The following GTF2IRD1 variants were observed in gnomAD, a reference collection of about 807,000 sequenced individuals.
GTF2IRD1 encodes the protein GTF2I repeat domain containing 1.
Under a neutral mutation model 113.2 loss-of-function variants are expected in GTF2IRD1, and 26 were observed. That is an observed-to-expected ratio of 0.23 (90% CI 0.17 to 0.32). GTF2IRD1 has a LOEUF of 0.32. Among genes scored for constraint, GTF2IRD1 ranks in the 10% least tolerant of loss-of-function variants. GTF2IRD1 has a pLI of 1.00. For missense variants in GTF2IRD1, 864 were observed against 1,280.8 expected, an observed-to-expected ratio of 0.67 and a Z score of 4.97; for synonymous variants, 484 against 529.1, an observed-to-expected ratio of 0.91 and a Z score of 1.17.
chr7:74,541,175 C>T (rs1371246074), intron 14 of GTF2IRD1, among the ~76,000 whole-genome samples: 3 of 151,600 alleles, frequency 2.0e-5, no homozygotes, highest in African/African-American at 2.4e-5. Context: ...CATCCTCGTG[C>T]GGAGAGATAA....
rs587662763 is a variant in GTF2IRD1, at chr7:74,550,090, CAA to C, written c.1916+2805_1916+2806del. On this transcript the variant is annotated intron_variant, in intron 17 of 26. Coordinates refer to ENST00000424337, the MANE Select transcript of GTF2IRD1 (RefSeq NM_005685.4). ...GCATGCACCTGTAATCCCAGCTACT[CAA>C]GAGGCAAAGAGGAGAATCACTTGAA... Among the ~76,000 whole-genome samples, 903 of 151,020 alleles carry C rather than the reference CAA, an allele frequency of 6.0e-3. 5 individuals carry two copies. The highest frequency in any genetic ancestry group is 9.4e-3 in the Non-Finnish European group (634 of 67,708).
In GTF2IRD1 at chr7:74,555,592, C is replaced by T; in HGVS notation, c.2023+98C>T. On this transcript the variant is annotated intron_variant, in intron 19 of 26. Transcript: ENST00000424337. The surrounding 1 kb of genome is among the most constrained non-coding windows in gnomAD (Gnocchi z 5.3). ...AGGCTGGAAGTGGGGAGGAGCTGGC[C>T]CCCAACTTCAGGGCCTAAGGGACCA... The T allele has an allele frequency of 5.1e-6, 4 of 786,114 alleles. No individual in the cohort carries two copies. Among genetic ancestry groups the T allele is most frequent in the South Asian group, 3.1e-5 (2 of 65,338 alleles). The allele number at this position is 786,114 out of a possible 1,614,324, so 48.7% of individuals were successfully genotyped here. A position where few individuals can be genotyped will look rare whatever the true frequency, so the allele number is the denominator to read the frequency against.
In GTF2IRD1 at chr7:74,505,712, G is replaced by A. The variant is rs138555101; in HGVS notation, c.-6-2363G>A. 1.3e-3 allele frequency among the ~76,000 whole-genome samples: 200 copies of A among 152,322 alleles called. No homozygotes were observed. The East Asian group carries it at 0.022, about 17-fold the overall frequency. The stretch of plus-strand genomic sequence containing the variant: ...TGGGAATGGTTCAAGGGACGGGCTT[G>A]CAGGGGATGGCTTGGGGGAGGGGGA... On this transcript the variant is annotated intron_variant, in intron 1 of 26. Transcript: ENST00000424337.
chr7:74,461,502 G>A (rs150276228), intron 1 of GTF2IRD1, among the ~76,000 whole-genome samples: 205 of 152,248 alleles, frequency 1.3e-3, no homozygotes, highest in Non-Finnish European at 2.2e-3. Flanking sequence ...TTGCAGAGGC[G>A]TCAGGCCTGA....
chr7:74,503,348 A>C (rs1584538762), intron 1 of GTF2IRD1, among the ~76,000 whole-genome samples: 1 of 152,264 alleles, frequency 6.6e-6, no homozygotes, highest in South Asian at 2.1e-4. Flanking sequence ...CAGATGTGAC[A>C]GTCGCTCTTC....
intron 19 of GTF2IRD1, among the ~76,000 whole-genome samples, chr7:74,557,197 G>T (rs587690545): frequency 6.6e-6 from 1 of 152,142 alleles, no homozygotes; most frequent in Admixed American, 6.5e-5. Context: ...ATTGGGAGCC[G>T]CCAGGCCCAT....
intron 17 of GTF2IRD1, among the ~76,000 whole-genome samples, chr7:74,548,486 G>A (rs1799096495): frequency 6.6e-6 from 1 of 152,054 alleles, no homozygotes; most frequent in Admixed American, 6.6e-5. Flanking sequence ...GTGGTTGGGG[G>A]ATTTCAGGAA....
At chr7:74,597,056 T>C (rs1802461121) in intron 25 of GTF2IRD1, among the ~76,000 whole-genome samples, 1 of 151,956 alleles carries the variant, frequency 6.6e-6, no homozygotes. Context: ...CTTTTTTTTT[T>C]TTCCGAGACA....
chr7:74,539,169 G>A (rs1225205449), intron 13 of GTF2IRD1, among the ~76,000 whole-genome samples: 1 of 152,182 alleles, frequency 6.6e-6, no homozygotes, highest in Admixed American at 6.5e-5. Flanking sequence ...GAGGGTGCTG[G>A]GCACAGTGGC....
intron 25 of GTF2IRD1, 97 bp from the exon 26 acceptor site, chr7:74,600,947 C>T (rs1802723457): frequency 2.2e-6 from 3 of 1,369,604 alleles, no homozygotes; most frequent in East Asian, 2.3e-5. Flanking sequence ...AAGGGGGACT[C>T]GAAACCTTAA....
chr7:74,455,263 G>A (rs1792892067), intron 1 of GTF2IRD1, among the ~76,000 whole-genome samples: 1 of 152,246 alleles, frequency 6.6e-6, no homozygotes, highest in Admixed American at 6.5e-5. Flanking sequence ...GGATGGCCCT[G>A]GGCCTGGCGG....
chr7:74,507,573 C>T (rs1280154893), intron 1 of GTF2IRD1: 2 of 154,156 alleles, frequency 1.3e-5, no homozygotes, highest in African/African-American at 2.4e-5. Context: ...TGAACCTGCA[C>T]AGACTAGGGA....
chr7:74,476,054 T>A lies in GTF2IRD1; in HGVS notation c.-7+21878T>A, dbSNP rs182750155. Among the ~76,000 whole-genome samples, 247 of 152,296 alleles carry A rather than the reference T, an allele frequency of 1.6e-3. 1 individual carries two copies. The highest frequency in any genetic ancestry group is 5.5e-3 in the African/African-American group (227 of 41,578). ...GTACCCGATAACGGATAGACACCTG[T>A]ACAAAACAGCCTCTTCTCCAATGCC... On this transcript the variant is annotated intron_variant, in intron 1 of 26. Transcript: ENST00000424337.
rs879972860 is a variant in GTF2IRD1 at position 74,602,591 on chromosome 7, G to A, written c.*158G>A. 2.9e-3 allele frequency: 1,076 copies of A among 371,374 alleles called. No homozygotes were observed. The highest frequency in any genetic ancestry group is 0.011 in the South Asian group (223 of 19,444). The allele number at this position is 371,374 out of a possible 1,614,324, so 23.0% of individuals were successfully genotyped here. On this transcript the variant is annotated 3_prime_UTR_variant, in exon 27 of 27. Transcript: ENST00000424337. ...AGGCCTTTTTAAATAAGTAAAAAAA[G>A]AAAAAAAAAAAAAAGAGTGTTGCCT... is the stretch of plus-strand genomic sequence containing the variant.
chr7:74,590,372 T>C (rs1208886752), intron 23 of GTF2IRD1, among the ~76,000 whole-genome samples: 1 of 146,980 alleles, frequency 6.8e-6, no homozygotes, highest in Non-Finnish European at 1.5e-5. Flanking sequence ...TGAGCCACCA[T>C]GCCCAGCCTG....
intron 22 of GTF2IRD1, among the ~76,000 whole-genome samples, chr7:74,581,441 T>C (rs587752578): frequency 6.6e-6 from 1 of 152,338 alleles, no homozygotes; most frequent in African/African-American, 2.4e-5. Flanking sequence ...CCACTGGGCT[T>C]GTGACCCTGG....
intron 4 of GTF2IRD1, 58 bp from the exon 5 acceptor site, chr7:74,518,081 C>T (rs587719181): frequency 1.2e-5 from 15 of 1,295,274 alleles, no homozygotes; most frequent in South Asian, 5.0e-5. Context: ...ACAGCAGCCC[C>T]GACCCCAGCC....
chr7:74,475,491 A>G (rs1554333371), intron 1 of GTF2IRD1, among the ~76,000 whole-genome samples: 1 of 152,018 alleles, frequency 6.6e-6, no homozygotes, highest in Non-Finnish European at 1.5e-5. Flanking sequence ...CGTTCCTGAG[A>G]CTACAGGGTT....
intron 22 of GTF2IRD1, among the ~76,000 whole-genome samples, chr7:74,574,407 GT>G (rs2130889866): frequency 6.6e-6 from 1 of 151,066 alleles, no homozygotes; most frequent in African/African-American, 2.4e-5. Flanking sequence ...GTTTCCCAAA[GT>G]GCTGGGATTA....
Sources: gnomAD v4.1 joint callset for allele counts (sites outside exome capture counted in the v4.1 genomes callset) on GRCh38, gnomAD v4.1.1 for gene constraint, Gnocchi (gnomAD v3.1) non-coding constraint, MANE v1.5 for transcripts, NCBI Gene and HGNC (gene_info 2026-07-23, HGNC 2026-07-21) for gene names.